MAPK6: variants seen among roughly 807,000 people sequenced by gnomAD.
MAPK6 encodes mitogen-activated protein kinase 6, also known as ERK-3.
A neutral mutation model predicts 59.3 loss-of-function variants in MAPK6; 19 were observed. That is an observed-to-expected ratio of 0.32 (90% CI 0.22 to 0.47). MAPK6 has a LOEUF of 0.47. MAPK6 is among the 20% of genes least tolerant of loss of function. The pLI is 1.00. For synonymous variants in MAPK6, 316 were observed against 290.3 expected (o/e 1.09, Z -0.90); for missense variants, 724 against 847.9 (o/e 0.85, Z 1.81).
In MAPK6 at chr15:52,054,789, AT is replaced by A. The variant is rs1029032153; in HGVS notation, c.701-3834del. Among the ~76,000 whole-genome samples, 4 of 148,276 alleles carry A rather than the reference AT, an allele frequency of 2.7e-5. No individual in the cohort carries two copies. In the South Asian group the frequency reaches 6.4e-4, roughly 24 times the overall value. On this transcript the variant is annotated intron_variant, in intron 3 of 5. Coordinates refer to ENST00000261845, the MANE Select transcript of MAPK6 (RefSeq NM_002748.4). ...AGATACACACATACATATATATATA[AT>A]TTTTTTTTTCCGAGACTGAGTCTTC...
Position 52,046,503 on chromosome 15 carries a change from G to C in MAPK6, c.43G>C (p.Asp15His). The C allele has an allele frequency of 6.2e-7, 1 of 1,612,430 alleles. No individual in the cohort carries two copies. The change falls in exon 2 of 6, where the codon GAT (aspartate) becomes CAT (histidine). Residue 15 changes from aspartate to histidine, a missense_variant. Physicochemically the swap from Asp to His is moderately conservative, Grantham distance 81. Coordinates refer to ENST00000261845, the MANE Select transcript of MAPK6 (RefSeq NM_002748.4). ...AAGTCTCATGAACATTCATGGTTTTGATCTGGGTTCTAGGTATATGGACTT... is the reference window on the plus strand; with the variant it reads ...AAGTCTCATGAACATTCATGGTTTTCATCTGGGTTCTAGGTATATGGACTT... Reference protein sequence around the residue: ...FESLMNIHGFDLGSRYMDLKP... With the variant: ...FESLMNIHGFHLGSRYMDLKP...
intron 1 of MAPK6, among the ~76,000 whole-genome samples, chr15:52,031,227 C>G (rs2031021446): frequency 6.6e-6 from 1 of 152,146 alleles, no homozygotes; most frequent in Admixed American, 6.5e-5. Flanking sequence ...GCCACTGCCC[C>G]CAGCCAGAAG....
At chr15:52,000,450 G>A (rs1286750097) in intron 2 of MAPK6, among the ~76,000 whole-genome samples, 2 of 152,056 alleles carry the variant, frequency 1.3e-5, no homozygotes, top group Non-Finnish European at 2.9e-5. Context: ...TATGAGATAA[G>A]GTCCAATTTC....
chr15:52,010,582 G>T (rs187802287), intron 3 of MAPK6, among the ~76,000 whole-genome samples: 1 of 143,292 alleles, frequency 7.0e-6, no homozygotes, highest in Non-Finnish European at 1.5e-5. Flanking sequence ...GTAGTGGCAC[G>T]ATCTTGGCTC....
intron 1 of MAPK6, among the ~76,000 whole-genome samples, chr15:52,044,710 A>G (rs2031543354): frequency 6.6e-6 from 1 of 151,800 alleles, no homozygotes; most frequent in Non-Finnish European, 1.5e-5. Flanking sequence ...GCCCTTTTAT[A>G]GGATATTTTT....
chr15:52,016,060 GCGCGCGCGCGCACACACACACACA>G (rs2030240792), upstream of MAPK6, among the ~76,000 whole-genome samples: 1 of 56,988 alleles, frequency 1.8e-5, no homozygotes, highest in African/African-American at 7.8e-5. Context: ...CATCGCGCGC[GCGCGCGCGCGCACACACACACACA>G]CACACACACA....
chr15:52,061,616 T>A, intron 5 of MAPK6, 116 bp downstream of exon 5: 1 of 812,362 alleles, frequency 1.2e-6, no homozygotes, highest in South Asian at 1.9e-5. Flanking sequence ...AATTTAGTAA[T>A]GTAAAGATAC....
chr15:52,052,232 A>G (rs1241103012), intron 3 of MAPK6, among the ~76,000 whole-genome samples: 1 of 152,164 alleles, frequency 6.6e-6, no homozygotes, highest in Non-Finnish European at 1.5e-5. Context: ...AGGAGGATCC[A>G]CTTCTAGATA....
intron 2 of MAPK6, among the ~76,000 whole-genome samples, chr15:51,991,845 T>C (rs939825334): frequency 1.3e-5 from 2 of 152,262 alleles, no homozygotes; most frequent in African/African-American, 2.4e-5. Context: ...CATTTGAGGA[T>C]AAGTGAATAA....
chr15:52,004,425 A>G (rs1368723597), intron 3 of MAPK6: 1 of 152,192 alleles, frequency 6.6e-6, no homozygotes, highest in Non-Finnish European at 1.5e-5. Context: ...ATTTATTATT[A>G]TAGCGGTTGT....
intron 1 of MAPK6, chr15:52,033,896 T>C (rs2031140227): frequency 6.6e-6 from 1 of 152,072 alleles, no homozygotes; most frequent in Non-Finnish European, 1.5e-5. Flanking sequence ...TTTCTAGTGA[T>C]AAATCAGCTA....
rs572208752 is a variant in MAPK6, at chr15:52,038,126, G to A, written c.-631-7704G>A. Among the ~76,000 whole-genome samples, 387 of 148,130 alleles carry A rather than the reference G, an allele frequency of 2.6e-3. 3 individuals are homozygous for A. The highest frequency in any genetic ancestry group is 9.2e-3 in the African/African-American group (368 of 40,000). Reference sequence around the variant, plus strand: ...CACTACATGCCCCTGTGCTCCAGGAGTAATAATGTGTTCCTTTGAGCTCAA... The same window carrying A: ...CACTACATGCCCCTGTGCTCCAGGAATAATAATGTGTTCCTTTGAGCTCAA... On this transcript the variant is annotated intron_variant, in intron 1 of 5. Coordinates refer to ENST00000261845, the MANE Select transcript of MAPK6 (RefSeq NM_002748.4).
At chr15:52,005,309 G>A (rs1165090441) in intron 3 of MAPK6, among the ~76,000 whole-genome samples, 2 of 152,126 alleles carry the variant, frequency 1.3e-5, no homozygotes, top group Non-Finnish European at 2.9e-5. Context: ...CAGATCACCT[G>A]AGGTCAGGAG....
chr15:52,020,551 T>A (rs1448221994), intron 1 of MAPK6, among the ~76,000 whole-genome samples: 1 of 152,174 alleles, frequency 6.6e-6, no homozygotes, highest in East Asian at 1.9e-4. Context: ...AATTTTCTGA[T>A]GGCTGATTCT....
chr15:52,014,535 G>C (rs2030177801), upstream of MAPK6, among the ~76,000 whole-genome samples: 1 of 151,880 alleles, frequency 6.6e-6, no homozygotes, highest in African/African-American at 2.4e-5. Flanking sequence ...AACATAGTGA[G>C]ACCTCATCTT....
In MAPK6 at chr15:52,019,391, G is replaced by A. The variant is rs895532727; in HGVS notation, c.-632+15G>A. 6.6e-6 allele frequency: 1 copy of A among 151,088 alleles called. No homozygotes were observed. The highest frequency in any genetic ancestry group is 2.4e-5 in the African/African-American group (1 of 41,186). The allele number at this position is 151,088 out of a possible 1,614,324, so 9.4% of individuals were successfully genotyped here. A position where few individuals can be genotyped will look rare whatever the true frequency, so the allele number is the denominator to read the frequency against. On this transcript the variant is annotated intron_variant, in intron 1 of 5. Transcript: ENST00000261845. ...GGAGAAGTCCCGTGAGTGTGTGTGTGTACGTGTGCGGGGTGCGCCGGCGGG... is the reference window on the plus strand; with the variant it reads ...GGAGAAGTCCCGTGAGTGTGTGTGTATACGTGTGCGGGGTGCGCCGGCGGG...
chr15:52,030,722 G>A (rs933924427), intron 1 of MAPK6, among the ~76,000 whole-genome samples: 2 of 140,620 alleles, frequency 1.4e-5, no homozygotes, highest in Non-Finnish European at 3.0e-5. Context: ...CGCTTCCCAG[G>A]TTCAAGGGAT....
rs377174451 is a variant in MAPK6 at position 52,063,944 on chromosome 15, TAAC to T, written c.1114_1116del (p.Asn372del). On this transcript the variant is annotated inframe_deletion, in exon 6 of 6. Transcript: ENST00000261845. ...TTTCAGAGCATGATTGGCCTGTACA[TAAC>T]AACTTTGATATTGATGAAGTTCAGC... The T allele has an allele frequency of 5.0e-6, 8 of 1,598,502 alleles. No homozygotes were observed. Among genetic ancestry groups the T allele is most frequent in the South Asian group, 1.1e-5 (1 of 88,216 alleles).
chr15:52,025,573 C>T (rs1223575664), intron 1 of MAPK6, among the ~76,000 whole-genome samples: 3 of 152,148 alleles, frequency 2.0e-5, no homozygotes, highest in Non-Finnish European at 2.9e-5. Flanking sequence ...GAGGCTGAGG[C>T]GGGCGGATCA....
Sources: gnomAD v4.1 joint callset for allele counts (sites outside exome capture counted in the v4.1 genomes callset) on GRCh38, gnomAD v4.1.1 for gene constraint, MANE v1.5 for transcripts, NCBI Gene and HGNC (gene_info 2026-07-23, HGNC 2026-07-21) for gene names.